Variants in GPR183 observed in about 807,000 individuals in gnomAD.
GPR183 encodes the protein G protein-coupled receptor 183.
GPR183 carries 9 observed loss-of-function variants against 19.7 expected under a neutral mutation model. The ratio of observed to expected loss-of-function variants is 0.46; its 90% CI spans 0.28 to 0.80. The LOEUF (loss-of-function observed/expected upper bound fraction) is 0.80, where lower values mean the gene tolerates loss of function less well. Among genes scored for constraint, GPR183 ranks in the 30% least tolerant of loss-of-function variants. The pLI, the probability that GPR183 is intolerant of heterozygous loss-of-function variation, is 0.13. For missense variants in GPR183, 368 were observed against 446.7 expected, an observed-to-expected ratio of 0.82 and a Z score of 1.59; for synonymous variants, 160 against 155.1, an observed-to-expected ratio of 1.03 and a Z score of -0.24.
rs1279749752 is a variant in GPR183, at chr13:99,295,179, G to T, written c.967C>A (p.Leu323Met). The T allele has an allele frequency of 3.1e-6, 5 of 1,614,086 alleles. No homozygotes were observed. The African/African-American group carries it at 4.0e-5, about 13-fold the overall frequency. The change falls in exon 2 of 2, where the codon CTG becomes ATG. Residue 323 changes from leucine to methionine, a missense_variant. By Grantham distance (15) the Leu-to-Met change is conservative (BLOSUM62 2). Transcript: ENST00000376414. The surrounding 1 kb of genome is among the most constrained non-coding windows in gnomAD (Gnocchi z 4.1). ...KGYKRKVMRM[L>M]KRQVSVSISS... ...ATCGATACACTGACTTGCCGTTTCAGCATCCTCATAACCTTTCTCTTATAC... is the reference window on the plus strand; with the variant it reads ...ATCGATACACTGACTTGCCGTTTCATCATCCTCATAACCTTTCTCTTATAC...
At chr13:99,299,498 A>G (rs902098251) in intron 1 of GPR183, among the ~76,000 whole-genome samples, 1 of 152,134 alleles carries the variant, frequency 6.6e-6, no homozygotes, top group South Asian at 2.1e-4. Context: ...GTATGCCAAA[A>G]CATAATTTTG....
intron 1 of GPR183, among the ~76,000 whole-genome samples, chr13:99,299,919 T>C (rs2044233336): frequency 1.3e-5 from 2 of 152,228 alleles, no homozygotes. Context: ...AATGCCATGC[T>C]AGATCCCTCT....
At chr13:99,303,907 C>T (rs1369439212) in intron 1 of GPR183, among the ~76,000 whole-genome samples, 1 of 152,186 alleles carries the variant, frequency 6.6e-6, no homozygotes, top group East Asian at 1.9e-4. Flanking sequence ...CGTGTTCTCC[C>T]TCACCTGCTG....
chr13:99,299,613 TAAA>T (rs777627786), intron 1 of GPR183, among the ~76,000 whole-genome samples: 1 of 152,084 alleles, frequency 6.6e-6, no homozygotes, highest in Non-Finnish European at 1.5e-5. Context: ...AATAAATAGG[TAAA>T]AAAAATTTTA....
chr13:99,304,134 T>C (rs2044296226), intron 1 of GPR183, among the ~76,000 whole-genome samples: 1 of 152,136 alleles, frequency 6.6e-6, no homozygotes, highest in Admixed American at 6.5e-5. Context: ...CTCCATTCCT[T>C]CTTCAGGAGG....
At position 99,296,176 on chromosome 13, in the gene GPR183, C is replaced by T. The variant is rs755050839; in HGVS notation, c.-18-13G>A. On this transcript the variant is annotated splice_polypyrimidine_tract_variant and intron_variant, in intron 1 of 1. Coordinates refer to ENST00000376414, the MANE Select transcript of GPR183 (RefSeq NM_004951.5). Reference sequence around the variant, plus strand: ...GTGGTCCAGGTGTCTAGAAAAAAACCAAGAAGGATCATATAAGTAAAAGCA... The same window carrying T: ...GTGGTCCAGGTGTCTAGAAAAAAACTAAGAAGGATCATATAAGTAAAAGCA... The T allele has an allele frequency of 2.2e-5, 34 of 1,532,178 alleles. No individual in the cohort carries two copies. Among genetic ancestry groups the T allele is most frequent in the Middle Eastern group, 1.8e-4 (1 of 5,660 alleles). 94.9% of individuals were successfully genotyped at this position (1,532,178 alleles called of 1,614,324 possible). A position where few individuals can be genotyped will look rare whatever the true frequency, so the allele number is the denominator to read the frequency against.
intron 1 of GPR183, among the ~76,000 whole-genome samples, chr13:99,299,523 G>A (rs2044226465): frequency 6.6e-6 from 1 of 151,948 alleles, no homozygotes; most frequent in Admixed American, 6.6e-5. Context: ...AGTAATTTTG[G>A]GGCTTTACTC....
Position 99,294,889 on chromosome 13 carries a change from C to T in GPR183, c.*171G>A, listed in dbSNP as rs1202631884. The T allele has an allele frequency of 3.2e-6, 2 of 623,882 alleles. No homozygotes were observed. Among genetic ancestry groups the T allele is most frequent in the Non-Finnish European group, 5.4e-6 (2 of 372,810 alleles). The allele number at this position is 623,882 out of a possible 1,614,324, so 38.6% of individuals were successfully genotyped here. A position where few individuals can be genotyped will look rare whatever the true frequency, so the allele number is the denominator to read the frequency against. The stretch of plus-strand genomic sequence containing the variant: ...TTTTTATTGTGCTTTATGTTGTTTG[C>T]TTTATGTTGTTCTCTTGGGCTTACT... On this transcript the variant is annotated 3_prime_UTR_variant, in exon 2 of 2. Coordinates refer to ENST00000376414, the MANE Select transcript of GPR183 (RefSeq NM_004951.5).
At chr13:99,304,800 G>T (rs7331703) in intron 1 of GPR183, among the ~76,000 whole-genome samples, 3,141 of 152,288 alleles carry the variant, frequency 0.021, 105 homozygotes, top group African/African-American at 0.071. Flanking sequence ...GACCCAGGCA[G>T]TTTGGCTTCA....
chr13:99,305,632 A>T (rs1232000683), intron 1 of GPR183, among the ~76,000 whole-genome samples: 1 of 152,244 alleles, frequency 6.6e-6, no homozygotes, highest in Non-Finnish European at 1.5e-5. Flanking sequence ...TATTTATTCC[A>T]TTAACTGACT....
In GPR183 at chr13:99,296,076, A is replaced by G; in HGVS notation, c.70T>C (p.Tyr24His). 1 of 1,613,950 alleles carries G rather than the reference A, an allele frequency of 6.2e-7. No homozygotes were observed. The highest frequency in any genetic ancestry group is 8.5e-7 in the Non-Finnish European group (1 of 1,179,920). ...ATPQGNDCDL[Y>H]AHHSTARIVM... ...ATCCTGGCCGTGCTGTGATGTGCAT[A>G]GAGGTCACAGTCATTTCCCTGAGGA... The change falls in exon 2 of 2, where the codon TAT (tyrosine) becomes CAT (histidine). Residue 24 changes from tyrosine (Y) to histidine (H), a missense_variant. Tyr to His is a moderately conservative substitution (Grantham distance 83). Transcript: ENST00000376414.
At chr13:99,296,277 A>T (rs2044171918) in intron 1 of GPR183, 114 bp from the exon 2 acceptor site, 3 of 754,486 alleles carry the variant, frequency 4.0e-6, no homozygotes, top group Non-Finnish European at 3.9e-6. Context: ...ACTGTCTTTT[A>T]TATATCTAAG....
intron 1 of GPR183, among the ~76,000 whole-genome samples, chr13:99,303,945 C>T (rs2138738932): frequency 6.6e-6 from 1 of 152,308 alleles, no homozygotes; most frequent in Admixed American, 6.5e-5. Flanking sequence ...GTCCCTGTGC[C>T]TCAGCCTTGT....
In GPR183 at chr13:99,304,716, A is replaced by T. The variant is rs183400454; in HGVS notation, c.-19+2624T>A. On this transcript the variant is annotated intron_variant, in intron 1 of 1. Transcript: ENST00000376414. ...ATCCTCTCAGAACTTTCACAAGTCC[A>T]TTGACAGAAGGTGAAACGGAGGCAC... 1.3e-3 allele frequency among the ~76,000 whole-genome samples: 198 copies of T among 152,148 alleles called. 1 individual carries two copies. The highest frequency in any genetic ancestry group is 4.1e-3 in the African/African-American group (168 of 41,376).
In GPR183 at chr13:99,295,018, G is replaced by T; in HGVS notation, c.*42C>A. The T allele has an allele frequency of 1.9e-6, 3 of 1,560,476 alleles. No homozygotes were observed. Among genetic ancestry groups the T allele is most frequent in the Non-Finnish European group, 2.6e-6 (3 of 1,155,206 alleles). ...TTATAAGGGAAGTCCTGCAAAGTTTGTCATACAGTTTACGTCACTATAAAC... is the reference window on the plus strand; with the variant it reads ...TTATAAGGGAAGTCCTGCAAAGTTTTTCATACAGTTTACGTCACTATAAAC... On this transcript the variant is annotated 3_prime_UTR_variant, in exon 2 of 2. Coordinates refer to ENST00000376414, the MANE Select transcript of GPR183 (RefSeq NM_004951.5). This position sits in a 1 kb window ranked among gnomAD's most constrained non-coding sequence, Gnocchi z 4.1.
Position 99,295,388 on chromosome 13 carries a change from AAC to A in GPR183, c.756_757del (p.Phe253CysfsTer17). 5 of 1,614,118 alleles carry A rather than the reference AAC, an allele frequency of 3.1e-6. No individual in the cohort carries two copies. Among genetic ancestry groups the A allele is most frequent in the Non-Finnish European group, 4.2e-6 (5 of 1,179,992 alleles). Reference sequence around the variant, plus strand: ...ATGGTAAGGTGTGAAACAGAGAACAAACACAACAATAATAAGAATAATTGTGT... The same window carrying A: ...ATGGTAAGGTGTGAAACAGAGAACAAACAACAATAATAAGAATAATTGTGT... On this transcript the variant is annotated frameshift_variant, in exon 2 of 2. Transcript: ENST00000376414. LOFTEE classifies it high-confidence loss of function. This position sits in a 1 kb window ranked among gnomAD's most constrained non-coding sequence, Gnocchi z 4.1.
chr13:99,307,085 A>T (rs184577800), intron 1 of GPR183, among the ~76,000 whole-genome samples: 4 of 152,328 alleles, frequency 2.6e-5, no homozygotes, highest in African/African-American at 9.6e-5. Context: ...ATACAGTAGT[A>T]CATGAAGTGA....
At chr13:99,302,733 T>G (rs2044274693) in intron 1 of GPR183, among the ~76,000 whole-genome samples, 1 of 152,226 alleles carries the variant, frequency 6.6e-6, no homozygotes, top group African/African-American at 2.4e-5. Context: ...TGTGGAGCTG[T>G]GACCAGCATA....
chr13:99,305,913 C>G (rs533105869), intron 1 of GPR183, among the ~76,000 whole-genome samples: 1 of 151,138 alleles, frequency 6.6e-6, no homozygotes, highest in African/African-American at 2.5e-5. Context: ...ATTTATCTAT[C>G]GAGACAGAGT....
Sources: gnomAD v4.1 joint callset for allele counts (sites outside exome capture counted in the v4.1 genomes callset) on GRCh38, gnomAD v4.1.1 for gene constraint, Gnocchi (gnomAD v3.1) non-coding constraint, MANE v1.5 for transcripts, NCBI Gene and HGNC (gene_info 2026-07-23, HGNC 2026-07-21) for gene names.